Variants in WDTC1 observed in about 807,000 individuals in gnomAD.
WDTC1 encodes the protein WD and tetratricopeptide repeats 1.
In WDTC1, 12 loss-of-function variants were observed where a neutral mutation model predicts 76.0. The observed-to-expected ratio is 0.16, with a 90% confidence interval of 0.10 to 0.26. The LOEUF is 0.26. WDTC1 is among the 10% of genes least tolerant of loss of function. The pLI is 1.00. For synonymous variants in WDTC1, 326 were observed against 350.8 expected, an observed-to-expected ratio of 0.93 and a Z score of 0.79; for missense variants, 511 against 908.8, an observed-to-expected ratio of 0.56 and a Z score of 5.63.
intron 3 of WDTC1, among the ~76,000 whole-genome samples, chr1:27,264,516 A>G (rs1049485960): frequency 1.3e-5 from 2 of 151,894 alleles, no homozygotes; most frequent in African/African-American, 4.8e-5. Flanking sequence ...CTGTCCATGG[A>G]TAGGCCAGAT....
At chr1:27,300,938 G>C (rs905054171) in intron 12 of WDTC1, among the ~76,000 whole-genome samples, 1 of 152,208 alleles carries the variant, frequency 6.6e-6, no homozygotes, top group Non-Finnish European at 1.5e-5. Context: ...GCGGGTGCCT[G>C]GGGTGAGCCA....
chr1:27,297,269 A>G, intron 11 of WDTC1, 113 bp downstream of exon 11: 1 of 983,264 alleles, frequency 1.0e-6, no homozygotes, highest in South Asian at 1.6e-5. Context: ...CATGCATCCC[A>G]GAGAGTGAGG....
At chr1:27,270,518 C>T (rs1325876524) in intron 3 of WDTC1, among the ~76,000 whole-genome samples, 1 of 152,198 alleles carries the variant, frequency 6.6e-6, no homozygotes, top group African/African-American at 2.4e-5. Flanking sequence ...CACGGTGAAA[C>T]CCTGTCTCTA....
chr1:27,290,155 C>T (rs1570978542), intron 6 of WDTC1, among the ~76,000 whole-genome samples: 2 of 152,174 alleles, frequency 1.3e-5, no homozygotes, highest in Non-Finnish European at 2.9e-5. Flanking sequence ...GATCATGGCT[C>T]ACTGCAGCCT....
intron 3 of WDTC1, among the ~76,000 whole-genome samples, chr1:27,271,362 C>G (rs1040864738): frequency 1.3e-5 from 2 of 151,560 alleles, no homozygotes; most frequent in Non-Finnish European, 2.9e-5. Context: ...TGACAGGCAT[C>G]TGCCACCATG....
In WDTC1 at chr1:27,305,464, G is replaced by A. The variant is rs889420317; in HGVS notation, c.1836+271G>A. 2.6e-5 allele frequency among the ~76,000 whole-genome samples: 4 copies of A among 152,186 alleles called. No individual in the cohort carries two copies. Among genetic ancestry groups the A allele is most frequent in the African/African-American group, 7.2e-5 (3 of 41,432 alleles). ...AAGTTTGAATCCAGTCTCCTCACTCGCTGCCTGAGAGACTTCACCATCTCT... is the reference window on the plus strand; with the variant it reads ...AAGTTTGAATCCAGTCTCCTCACTCACTGCCTGAGAGACTTCACCATCTCT... On this transcript the variant is annotated intron_variant, in intron 15 of 15. Coordinates refer to ENST00000319394, the MANE Select transcript of WDTC1 (RefSeq NM_001276252.2). This position sits in a 1 kb window ranked among gnomAD's most constrained non-coding sequence, Gnocchi z 4.6.
intron 6 of WDTC1, among the ~76,000 whole-genome samples, chr1:27,290,476 T>G (rs2013506576): frequency 1.3e-5 from 2 of 152,228 alleles, no homozygotes; most frequent in African/African-American, 4.8e-5. Context: ...ATGTCTGTCT[T>G]GTTCTTGGTT....
At chr1:27,297,180 C>G (rs932169596) in intron 11 of WDTC1, 24 bp downstream of exon 11, 1 of 1,565,512 alleles carries the variant, frequency 6.4e-7, no homozygotes, top group Admixed American at 1.9e-5. Flanking sequence ...GCTTGTCCAG[C>G]CCTCCAAGCC....
intron 5 of WDTC1, among the ~76,000 whole-genome samples, chr1:27,283,904 G>A (rs542531525): frequency 1.3e-5 from 2 of 152,304 alleles, no homozygotes; most frequent in Admixed American, 1.3e-4. Context: ...CAAGGTTGAT[G>A]TGACAGTTCA....
At position 27,294,056 on chromosome 1, in the gene WDTC1, C is replaced by T. The variant is rs554182814; in HGVS notation, c.697C>T (p.His233Tyr). 6.8e-6 allele frequency: 11 copies of T among 1,614,118 alleles called. No homozygotes were observed. The highest frequency in any genetic ancestry group is 8.5e-6 in the Non-Finnish European group (10 of 1,180,016). The change falls in exon 8 of 16, where the codon CAC (histidine) becomes TAC (tyrosine). Residue 233 changes from histidine to tyrosine, a missense_variant. Coordinates refer to ENST00000319394, the MANE Select transcript of WDTC1 (RefSeq NM_001276252.2). ...GAAGCAGAGCCCTTCAGCGGGTGTG[C>T]ACACCTTCTGTGACCGGCAGAAACC... The part of the protein sequence containing the change: ...SMKQSPSAGV[H>Y]TFCDRQKPLP...
chr1:27,240,146 C>A (rs950668773), intron 1 of WDTC1, among the ~76,000 whole-genome samples: 2 of 152,056 alleles, frequency 1.3e-5, no homozygotes. Flanking sequence ...TCACCTTGGC[C>A]CCCCAAAGTG....
chr1:27,287,463 T>C (rs928124565), intron 5 of WDTC1, among the ~76,000 whole-genome samples: 6 of 152,076 alleles, frequency 3.9e-5, no homozygotes, highest in African/African-American at 1.4e-4. Context: ...TCTGGCTTCC[T>C]GCAGCCTCTG....
intron 1 of WDTC1, among the ~76,000 whole-genome samples, chr1:27,259,075 A>T (rs759458893): frequency 5.0e-4 from 76 of 152,348 alleles, no homozygotes; most frequent in Non-Finnish European, 9.3e-4. Flanking sequence ...GCTTTTATAG[A>T]ATAATTTTGA....
At position 27,308,615 on chromosome 1, in the gene WDTC1, A is replaced by G. The variant is rs72882703; in HGVS notation, c.*2232A>G. The G allele has an allele frequency of 2.6e-5, 4 of 152,330 alleles. No individual in the cohort carries two copies. Among genetic ancestry groups the G allele is most frequent in the African/African-American group, 9.6e-5 (4 of 41,580 alleles). 9.4% of individuals were successfully genotyped at this position (152,330 alleles called of 1,614,324 possible). Reference sequence around the variant, plus strand: ...AAAAAAATGAACAAAAGTTTTACACAATAATATTTACCCTTGCTACATGCA... The same window carrying G: ...AAAAAAATGAACAAAAGTTTTACACGATAATATTTACCCTTGCTACATGCA... On this transcript the variant is annotated 3_prime_UTR_variant, in exon 16 of 16. Transcript: ENST00000319394.
At chr1:27,282,205 A>G in intron 3 of WDTC1, 34 bp from the exon 4 acceptor site, 2 of 1,611,972 alleles carry the variant, frequency 1.2e-6, no homozygotes, top group East Asian at 2.2e-5. Context: ...ACCCCTAACC[A>G]ACTCTCTTCC....
intron 4 of WDTC1, 128 bp from the exon 5 acceptor site, chr1:27,283,210 C>G: frequency 5.3e-6 from 4 of 748,416 alleles, no homozygotes; most frequent in Non-Finnish European, 8.8e-6. Flanking sequence ...ACAAGGCAAC[C>G]TTAAATTCTG....
At chr1:27,249,221 A>G (rs534741599) in intron 1 of WDTC1, among the ~76,000 whole-genome samples, 1 of 150,552 alleles carries the variant, frequency 6.6e-6, no homozygotes, top group East Asian at 2.0e-4. Flanking sequence ...GTGAGCCAAG[A>G]TGGCACCACT....
chr1:27,248,169 G>C (rs903348529), intron 1 of WDTC1, among the ~76,000 whole-genome samples: 23 of 152,336 alleles, frequency 1.5e-4, no homozygotes, highest in African/African-American at 3.4e-4. Context: ...TATATACCCA[G>C]TAATAGGATT....
At chr1:27,238,096 G>A (rs1341982317) in intron 1 of WDTC1, among the ~76,000 whole-genome samples, 1 of 152,068 alleles carries the variant, frequency 6.6e-6, no homozygotes, top group Non-Finnish European at 1.5e-5. Context: ...TACCTATGAA[G>A]AAACAGATTC....
Sources: gnomAD v4.1 joint callset for allele counts (sites outside exome capture counted in the v4.1 genomes callset) on GRCh38, gnomAD v4.1.1 for gene constraint, Gnocchi (gnomAD v3.1) non-coding constraint, MANE v1.5 for transcripts, NCBI Gene and HGNC (gene_info 2026-07-23, HGNC 2026-07-21) for gene names.